ZMYM5: variants seen among roughly 807,000 people sequenced by gnomAD.
ZMYM5 encodes the protein zinc finger MYM-type protein 5.
Under a neutral mutation model 61.8 loss-of-function variants are expected in ZMYM5, and 41 were observed. The observed-to-expected ratio is 0.66, with a 90% CI of 0.52 to 0.86. The LOEUF (loss-of-function observed/expected upper bound fraction) is 0.86. Ranked by LOEUF, ZMYM5 falls within the 40% of genes least tolerant of loss-of-function variation. The pLI, the probability that ZMYM5 is intolerant of heterozygous loss-of-function variation, is 0.00. For missense variants in ZMYM5, 706 were observed against 786.7 expected, an observed-to-expected ratio of 0.90 and a Z score of 1.23; for synonymous variants, 257 against 276.4, an observed-to-expected ratio of 0.93 and a Z score of 0.70.
At chr13:19,861,208 G>C (rs779454936) in intron 2 of ZMYM5, among the ~76,000 whole-genome samples, 5 of 152,094 alleles carry the variant, frequency 3.3e-5, no homozygotes, top group Non-Finnish European at 4.4e-5. Context: ...GAGTATAGTG[G>C]TGTGATCACT....
Position 19,852,044 on chromosome 13 carries a change from G to C in ZMYM5, c.137C>G (p.Ser46Cys), listed in dbSNP as rs1304257659. The change falls in exon 3 of 8, where the codon TCT (serine) becomes TGT (cysteine). Residue 46 changes from serine (S) to cysteine (C), a missense_variant. This residue lies in a region of ZMYM5 where 480 missense variants were observed against 461.7 expected (regional missense o/e 1.04). Transcript: ENST00000337963. ...ATCATCTTCCACTGGTGAGTTCCTAGATCTACTGACTAAAGGACAAGCTGG... is the reference window on the plus strand; with the variant it reads ...ATCATCTTCCACTGGTGAGTTCCTACATCTACTGACTAAAGGACAAGCTGG... ...GHPACPLVSR[S>C]RNSPVEDDDD... 9.3e-6 allele frequency: 15 copies of C among 1,613,756 alleles called. No homozygotes were observed. The highest frequency in any genetic ancestry group is 1.3e-5 in the Non-Finnish European group (15 of 1,180,004).
intron 4 of ZMYM5, among the ~76,000 whole-genome samples, chr13:19,847,329 T>C (rs56114537): frequency 0.083 from 12,571 of 152,144 alleles, 557 homozygotes; most frequent in Middle Eastern, 0.13. Flanking sequence ...TGGTGCTGCA[T>C]CAAAAGAAAA....
At chr13:19,835,419 G>A in intron 7 of ZMYM5, 58 bp downstream of exon 7, 2 of 1,158,730 alleles carry the variant, frequency 1.7e-6, no homozygotes, top group Admixed American at 2.4e-5. Flanking sequence ...GTTCATGTAA[G>A]ATGTAAGGGT....
At chr13:19,844,628 CTCTT>C (rs1953010012) in intron 4 of ZMYM5, among the ~76,000 whole-genome samples, 1 of 152,056 alleles carries the variant, frequency 6.6e-6, no homozygotes, top group South Asian at 2.1e-4. Flanking sequence ...AGAAAAAGAA[CTCTT>C]TCTTTTTGAG....
At position 19,824,830 on chromosome 13, in the gene ZMYM5, C is replaced by A; in HGVS notation, c.1657G>T (p.Asp553Tyr). Residue 553 changes from aspartate (D) to tyrosine (Y), a missense_variant, in exon 8 of 8, where the codon GAT becomes TAT. This residue lies in a region of ZMYM5 where 226 missense variants were observed against 325.0 expected (regional missense o/e 0.70). Transcript: ENST00000337963. ...TCTGAAAACTTCCTCCCTGTATTAT[C>A]TTTTGGAAAGTTAAAATTTCTTACT... Reference protein sequence around the residue: ...PQVRNFNFPKDNTGRKFSETY... With the variant: ...PQVRNFNFPKYNTGRKFSETY... 1 of 1,351,208 alleles carries A rather than the reference C, an allele frequency of 7.4e-7. No homozygotes were observed. The allele number at this position is 1,351,208 out of a possible 1,614,324, so 83.7% of individuals were successfully genotyped here.
chr13:19,845,960 C>T (rs2138579185), intron 4 of ZMYM5, among the ~76,000 whole-genome samples: 1 of 152,302 alleles, frequency 6.6e-6, no homozygotes, highest in South Asian at 2.1e-4. Flanking sequence ...TTTGGGCTGG[C>T]TCAAAGACCC....
intron 4 of ZMYM5, among the ~76,000 whole-genome samples, chr13:19,844,914 C>T (rs948252970): frequency 4.6e-5 from 7 of 152,228 alleles, no homozygotes; most frequent in African/African-American, 1.7e-4. Flanking sequence ...TCAGCCATCG[C>T]ACCCCGCTGA....
intron 4 of ZMYM5, among the ~76,000 whole-genome samples, chr13:19,839,514 G>A (rs1225279306): frequency 6.6e-5 from 10 of 151,756 alleles, no homozygotes; most frequent in African/African-American, 1.7e-4. Flanking sequence ...TCAGCCTCCC[G>A]AGTAGCTGGG....
chr13:19,848,471 T>C (rs928792933), intron 4 of ZMYM5, among the ~76,000 whole-genome samples: 1 of 151,946 alleles, frequency 6.6e-6, no homozygotes, highest in African/African-American at 2.4e-5. Flanking sequence ...TTAAAGACAT[T>C]AGGTCTTGCT....
chr13:19,852,525 A>G (rs749908181), intron 2 of ZMYM5, among the ~76,000 whole-genome samples: 3 of 152,186 alleles, frequency 2.0e-5, no homozygotes, highest in Non-Finnish European at 2.9e-5. Context: ...ATAATCACTT[A>G]TATTCCATAT....
intron 7 of ZMYM5, among the ~76,000 whole-genome samples, chr13:19,831,123 A>T (rs1286625989): frequency 9.2e-6 from 1 of 109,210 alleles, no homozygotes; most frequent in Non-Finnish European, 1.8e-5. Flanking sequence ...CACCACACCC[A>T]GCCTATTTTT....
intron 2 of ZMYM5, among the ~76,000 whole-genome samples, chr13:19,852,592 A>G (rs1953354551): frequency 6.6e-6 from 1 of 152,194 alleles, no homozygotes; most frequent in Non-Finnish European, 1.5e-5. Context: ...GTCTCCTGCC[A>G]TTGTTTTCTT....
At chr13:19,860,925 T>C (rs1953729320) in intron 2 of ZMYM5, among the ~76,000 whole-genome samples, 1 of 145,870 alleles carries the variant, frequency 6.9e-6, no homozygotes, top group Admixed American at 6.8e-5. Context: ...TATATGCATG[T>C]ATATGCGCAC....
chr13:19,828,764 AAAG>A (rs1891054837), intron 7 of ZMYM5, among the ~76,000 whole-genome samples: 1 of 152,212 alleles, frequency 6.6e-6, no homozygotes, highest in Non-Finnish European at 1.5e-5. Context: ...GCTAAGGAAG[AAAG>A]AAGAGTAAAC....
At chr13:19,834,760 G>A (rs547224077) in intron 7 of ZMYM5, among the ~76,000 whole-genome samples, 2 of 152,108 alleles carry the variant, frequency 1.3e-5, no homozygotes, top group Non-Finnish European at 2.9e-5. Flanking sequence ...GCATGATCTC[G>A]GGTTTGCAAC....
intron 5 of ZMYM5, among the ~76,000 whole-genome samples, 154 bp from the exon 6 acceptor site, chr13:19,837,975 T>C (rs1374627660): frequency 6.6e-6 from 1 of 152,218 alleles, no homozygotes; most frequent in African/African-American, 2.4e-5. Context: ...TTTGGCTTTA[T>C]TGCCAAGAGT....
intron 2 of ZMYM5, among the ~76,000 whole-genome samples, chr13:19,858,675 CAAGGA>C (rs1474735960): frequency 6.0e-5 from 9 of 149,588 alleles, no homozygotes; most frequent in Non-Finnish European, 1.0e-4. Context: ...AGGACTACCA[CAAGGA>C]AAGGAAGAAT....
chr13:19,828,484 A>G (rs1891031216), intron 7 of ZMYM5, among the ~76,000 whole-genome samples: 1 of 152,048 alleles, frequency 6.6e-6, no homozygotes, highest in Admixed American at 6.6e-5. Flanking sequence ...CAATCAATCA[A>G]TCAATGCAGA....
At chr13:19,835,798 C>A in intron 6 of ZMYM5, 109 bp from the exon 7 acceptor site, 1 of 767,706 alleles carries the variant, frequency 1.3e-6, no homozygotes, top group Non-Finnish European at 1.9e-6. Flanking sequence ...CTAATCATAT[C>A]TCAGAGGAAG....
Sources: gnomAD v4.1 joint callset for allele counts (sites outside exome capture counted in the v4.1 genomes callset) on GRCh38, gnomAD v4.1.1 for gene constraint, gnomAD v4.1.1 regional missense constraint, MANE v1.5 for transcripts, NCBI Gene and HGNC (gene_info 2026-07-23, HGNC 2026-07-21) for gene names.